Variants in SLC44A5 observed in about 807,000 individuals in gnomAD.
SLC44A5 encodes the protein choline transporter-like protein 5.
Under a neutral mutation model 101.8 loss-of-function variants are expected in SLC44A5, and 57 were observed. The observed-to-expected ratio is 0.56, with a 90% CI of 0.45 to 0.70. The LOEUF (loss-of-function observed/expected upper bound fraction) is 0.70. Ranked by LOEUF, SLC44A5 falls within the 30% of genes least tolerant of loss-of-function variation. SLC44A5 has a pLI of 0.00. For missense variants in SLC44A5, 737 were observed against 853.1 expected, an observed-to-expected ratio of 0.86 and a Z score of 1.70; for synonymous variants, 281 against 290.9, an observed-to-expected ratio of 0.97 and a Z score of 0.35.
intron 4 of SLC44A5, among the ~76,000 whole-genome samples, chr1:75,318,102 C>A (rs976461568): frequency 6.6e-6 from 1 of 152,132 alleles, no homozygotes; most frequent in Non-Finnish European, 1.5e-5. Context: ...TAGGGCTGAG[C>A]TCAGTGGCTC....
intron 4 of SLC44A5, among the ~76,000 whole-genome samples, chr1:75,319,578 C>CT (rs1437180421): frequency 6.6e-6 from 1 of 152,062 alleles, no homozygotes; most frequent in Non-Finnish European, 1.5e-5. Flanking sequence ...CAAGTTCTGC[C>CT]TTTTTTTCTC....
chr1:75,559,962 G>A (rs1354768546), intron 1 of SLC44A5, among the ~76,000 whole-genome samples: 1 of 152,120 alleles, frequency 6.6e-6, no homozygotes, highest in Non-Finnish European at 1.5e-5. Context: ...TTGGAGAAAT[G>A]CAAGTCAAAA....
At chr1:75,675,434 A>G in the SLC44A5 span, among the ~76,000 whole-genome samples, 1 of 152,090 alleles carries the variant, frequency 6.6e-6, no homozygotes, top group Non-Finnish European at 1.5e-5. Context: ...GGTATATAGG[A>G]ATGCTTAAGC....
intron 1 of SLC44A5, among the ~76,000 whole-genome samples, chr1:75,558,880 G>C (rs1672363562): frequency 6.6e-6 from 1 of 151,952 alleles, no homozygotes; most frequent in Non-Finnish European, 1.5e-5. Context: ...TTAAATAAAA[G>C]TCATAAGCTT....
intron 4 of SLC44A5, 135 bp downstream of exon 4, chr1:75,339,447 T>G: frequency 1.5e-6 from 1 of 665,150 alleles, no homozygotes; most frequent in Non-Finnish European, 2.6e-6. Flanking sequence ...TAAGGTGACA[T>G]TTAGGCAGAA....
chr1:75,644,304 T>C, the SLC44A5 span, among the ~76,000 whole-genome samples: 2 of 152,046 alleles, frequency 1.3e-5, no homozygotes, highest in Non-Finnish European at 2.9e-5. Flanking sequence ...CATTTATGTA[T>C]ATTTAAAAAT....
At chr1:75,588,985 T>G (rs1674184225) in intron 1 of SLC44A5, among the ~76,000 whole-genome samples, 1 of 152,182 alleles carries the variant, frequency 6.6e-6, no homozygotes, top group South Asian at 2.1e-4. Flanking sequence ...TGCCAGAGTT[T>G]CAGGTTGAGG....
chr1:75,343,738 TACA>T (rs368869930), intron 3 of SLC44A5, among the ~76,000 whole-genome samples: 2 of 152,280 alleles, frequency 1.3e-5, no homozygotes, highest in African/African-American at 4.8e-5. Context: ...GACTTTAATA[TACA>T]ACAATAGCCA....
chr1:75,636,391 A>G, the SLC44A5 span, among the ~76,000 whole-genome samples: 1 of 152,256 alleles, frequency 6.6e-6, no homozygotes, highest in East Asian at 1.9e-4. Flanking sequence ...TTTATAAAGT[A>G]TAAGCAGACT....
chr1:75,414,716 G>A (rs1308527334), intron 2 of SLC44A5, among the ~76,000 whole-genome samples: 2 of 152,132 alleles, frequency 1.3e-5, no homozygotes, highest in African/African-American at 4.8e-5. Flanking sequence ...AAGGATGAGT[G>A]CTCAAGGCAA....
upstream of SLC44A5, among the ~76,000 whole-genome samples, chr1:75,613,384 G>A (rs796686165): frequency 1.3e-5 from 2 of 152,204 alleles, no homozygotes; most frequent in South Asian, 4.1e-4. Context: ...GCAGTCAGAT[G>A]CTTTTGTAGA....
At chr1:75,245,918 C>T (rs914721617) in intron 7 of SLC44A5, among the ~76,000 whole-genome samples, 1 of 152,106 alleles carries the variant, frequency 6.6e-6, no homozygotes, top group Non-Finnish European at 1.5e-5. Flanking sequence ...TAATTGATCA[C>T]AGTCTGTCCT....
At position 75,286,340 on chromosome 1, in the gene SLC44A5, T is replaced by C. The variant is rs115889496; in HGVS notation, c.176-11298A>G. Among the ~76,000 whole-genome samples the C allele has an allele frequency of 5.1e-3, 777 of 152,262 alleles. 8 individuals are homozygous for C. Among genetic ancestry groups the C allele is most frequent in the African/African-American group, 0.018 (750 of 41,566 alleles). ...TCATGGAATATCTTTTTCCACCCCT[T>C]TACCTTAAGTTCATGTGAGTCCTTA... On this transcript the variant is annotated intron_variant, in intron 5 of 23. Transcript: ENST00000370859.
At position 75,203,810 on chromosome 1, in the gene SLC44A5, C is replaced by G; in HGVS notation, c.2071G>C (p.Gly691Arg). 6.5e-7 allele frequency: 1 copy of G among 1,548,754 alleles called. No individual in the cohort carries two copies. The highest frequency in any genetic ancestry group is 8.7e-7 in the Non-Finnish European group (1 of 1,145,690). ...ACATAATAAGGTCTTGCAGTAGAAC[C>G]ATCATTTCTTTCTAAATCTTCCACT... ...CFLEDLERND[G>R]STARPYYVSQ... is the part of the protein sequence containing the mutation. Residue 691 changes from glycine (G) to arginine (R), a missense_variant, in exon 24 of 24, where the codon GGT (glycine) becomes CGT (arginine). Transcript: ENST00000370859.
intron 4 of SLC44A5, among the ~76,000 whole-genome samples, chr1:75,329,490 C>A (rs755598150): frequency 6.6e-6 from 1 of 151,696 alleles, no homozygotes; most frequent in Non-Finnish European, 1.5e-5. Flanking sequence ...TTACTCTGTT[C>A]CCCGAGTTAT....
chr1:75,368,308 C>T (rs980394762), intron 3 of SLC44A5, among the ~76,000 whole-genome samples: 2 of 152,110 alleles, frequency 1.3e-5, no homozygotes, highest in African/African-American at 4.8e-5. Context: ...AGAACCTTTC[C>T]CTTATAACAA....
intron 1 of SLC44A5, among the ~76,000 whole-genome samples, chr1:75,584,534 T>G (rs1156873797): frequency 3.3e-5 from 5 of 152,148 alleles, no homozygotes; most frequent in African/African-American, 1.2e-4. Flanking sequence ...GAACATAAAA[T>G]CAAGCCATAA....
chr1:75,466,655 TAAAAAAA>T (rs754658767), intron 2 of SLC44A5, among the ~76,000 whole-genome samples: 1 of 88,446 alleles, frequency 1.1e-5, no homozygotes, highest in South Asian at 3.5e-4. Flanking sequence ...GATGCCATCT[TAAAAAAA>T]AAAAAAAAAA....
At chr1:75,580,117 C>T (rs1236579544) in intron 1 of SLC44A5, among the ~76,000 whole-genome samples, 1 of 151,282 alleles carries the variant, frequency 6.6e-6, no homozygotes, top group Non-Finnish European at 1.5e-5. Context: ...CATTTAAGCA[C>T]TTCTCAAAAT....
Sources: allele counts gnomAD v4.1 joint callset (sites outside exome capture counted in the v4.1 genomes callset), GRCh38; gene constraint gnomAD v4.1.1; transcripts MANE v1.5; gene names NCBI Gene and HGNC (gene_info 2026-07-23, HGNC 2026-07-21).